Variants in USP34 observed in about 807,000 individuals in gnomAD.
USP34 encodes the protein ubiquitin specific peptidase 34.
In USP34, 70 loss-of-function variants were observed where a neutral mutation model predicts 460.3. That is an observed-to-expected ratio of 0.15 (90% CI 0.13 to 0.19). The LOEUF is 0.19. USP34 is among the 10% of genes least tolerant of loss of function. The pLI is 1.00. For missense variants in USP34, 3,985 were observed against 4,236.2 expected, an observed-to-expected ratio of 0.94 and a Z score of 1.65; for synonymous variants, 1,647 against 1,405.3, an observed-to-expected ratio of 1.17 and a Z score of -3.85.
intron 10 of USP34, among the ~76,000 whole-genome samples, chr2:61,365,218 C>T (rs1278845213): frequency 1.3e-5 from 2 of 151,332 alleles, no homozygotes; most frequent in Non-Finnish European, 2.9e-5. Flanking sequence ...CCCCATTGCA[C>T]TCCAGCCTGG....
intron 18 of USP34, among the ~76,000 whole-genome samples, chr2:61,337,751 C>T (rs925822097): frequency 1.3e-5 from 2 of 152,142 alleles, no homozygotes; most frequent in Admixed American, 6.5e-5. Flanking sequence ...CTACTGCGCC[C>T]GGCCTAGTTA....
chr2:61,227,645 G>A (rs2103822899), intron 61 of USP34, among the ~76,000 whole-genome samples: 1 of 151,834 alleles, frequency 6.6e-6, no homozygotes, highest in South Asian at 2.1e-4. Context: ...TGGGAGGTGG[G>A]GGTTACAGTG....
At chr2:61,223,193 G>A (rs751960772) in intron 63 of USP34, 29 bp from the exon 64 acceptor site, 5 of 1,612,914 alleles carry the variant, frequency 3.1e-6, no homozygotes, top group Non-Finnish European at 4.2e-6. Context: ...GTTCATTTAA[G>A]AACCGTTATT....
intron 58 of USP34, 87 bp downstream of exon 58, chr2:61,232,365 A>T: frequency 9.0e-7 from 1 of 1,106,258 alleles, no homozygotes; most frequent in Non-Finnish European, 1.3e-6. Flanking sequence ...ATATTAGGTT[A>T]AGACACACTT....
At position 61,222,656 on chromosome 2, in the gene USP34, G is replaced by C; in HGVS notation, c.7757C>G (p.Ser2586Cys). Residue 2586 changes from serine to cysteine, a missense_variant, in exon 65 of 80, where the codon TCT (serine) becomes TGT (cysteine). Physicochemically the swap from Ser to Cys is moderately radical, Grantham distance 112. This residue lies in a region of USP34 where 604 missense variants were observed against 684.8 expected (regional missense o/e 0.88). Transcript: ENST00000398571. ...YNNRLAEHIV[S>C]MLFTSIAKLT... ...CTTTGCTATTGATGTGAAAAGCATA[G>C]ATACAATCTAAAACAGAAAGAGGAG... is the stretch of plus-strand genomic sequence containing the variant. 1 of 1,611,776 alleles carries C rather than the reference G, an allele frequency of 6.2e-7. No individual in the cohort carries two copies.
chr2:61,337,756 T>C (rs1691467956), intron 18 of USP34, among the ~76,000 whole-genome samples: 1 of 152,148 alleles, frequency 6.6e-6, no homozygotes, highest in Admixed American at 6.5e-5. Context: ...GCGCCCGGCC[T>C]AGTTATTTTC....
At chr2:61,359,243 T>C (rs916888650) in intron 10 of USP34, among the ~76,000 whole-genome samples, 1 of 152,150 alleles carries the variant, frequency 6.6e-6, no homozygotes, top group African/African-American at 2.4e-5. Flanking sequence ...AGGACACACA[T>C]GTAGGCCAGT....
chr2:61,318,515 T>C (rs779582358), intron 22 of USP34, among the ~76,000 whole-genome samples: 38 of 152,182 alleles, frequency 2.5e-4, no homozygotes, highest in Non-Finnish European at 4.3e-4. Context: ...AGTTCCAACA[T>C]GGAGATAACG....
intron 61 of USP34, 144 bp downstream of exon 61, chr2:61,228,501 T>C: frequency 5.3e-6 from 3 of 562,592 alleles, no homozygotes; most frequent in South Asian, 8.5e-5. Flanking sequence ...ATTAAAAACA[T>C]CAACCAATCT....
chr2:61,256,273 T>C (rs1688722606), intron 48 of USP34, 111 bp downstream of exon 48: 10 of 957,386 alleles, frequency 1.0e-5, no homozygotes, highest in Non-Finnish European at 1.4e-5. Context: ...TCCATGCAGC[T>C]GATTTTACCT....
At chr2:61,202,710 G>A (rs1687011050) in intron 75 of USP34, among the ~76,000 whole-genome samples, 1 of 152,022 alleles carries the variant, frequency 6.6e-6, no homozygotes, top group African/African-American at 2.4e-5. Flanking sequence ...CTTCACACTG[G>A]CAAGCCCACT....
chr2:61,222,083 T>A (rs573664135), intron 65 of USP34, among the ~76,000 whole-genome samples: 1 of 152,270 alleles, frequency 6.6e-6, no homozygotes, highest in South Asian at 2.1e-4. Context: ...AAGATTTGTA[T>A]CCTTTAAGCA....
intron 75 of USP34, among the ~76,000 whole-genome samples, chr2:61,197,114 A>T (rs970811547): frequency 1.3e-5 from 2 of 151,950 alleles, no homozygotes; most frequent in Non-Finnish European, 2.9e-5. Flanking sequence ...CACTCTATTT[A>T]AAAAAAATAA....
At chr2:61,404,244 A>G (rs780780994) in intron 3 of USP34, among the ~76,000 whole-genome samples, 4 of 152,142 alleles carry the variant, frequency 2.6e-5, no homozygotes, top group African/African-American at 4.8e-5. Flanking sequence ...TACAGAACAA[A>G]TAAGCTAGAG....
intron 41 of USP34, among the ~76,000 whole-genome samples, chr2:61,275,611 C>G (rs1414053447): frequency 4.3e-5 from 6 of 138,244 alleles, no homozygotes; most frequent in African/African-American, 1.6e-4. Context: ...TAAGGAGACC[C>G]TGTCCCTTTT....
chr2:61,284,845 C>T lies in USP34; in HGVS notation c.4832+30G>A, dbSNP rs768735961. ...AAACATTATATTCCTGCTATACATACACACATAAAATATATCTTAAAATGC... is the reference window on the plus strand; with the variant it reads ...AAACATTATATTCCTGCTATACATATACACATAAAATATATCTTAAAATGC... On this transcript the variant is annotated intron_variant, in intron 35 of 79. Transcript: ENST00000398571. The T allele has an allele frequency of 8.4e-6, 13 of 1,539,182 alleles. No individual in the cohort carries two copies. In the South Asian group the frequency reaches 1.5e-4, roughly 18 times the overall value.
At chr2:61,377,425 G>A (rs1692830368) in intron 8 of USP34, among the ~76,000 whole-genome samples, 1 of 151,794 alleles carries the variant, frequency 6.6e-6, no homozygotes. Flanking sequence ...ATATTTCTCA[G>A]AACCAAAGAA....
At chr2:61,463,989 A>T (rs568672902) in intron 1 of USP34, among the ~76,000 whole-genome samples, 2 of 152,330 alleles carry the variant, frequency 1.3e-5, no homozygotes, top group South Asian at 4.1e-4. Flanking sequence ...GAACTGATTA[A>T]ATCAGCAGCA....
At chr2:61,317,289 G>T (rs1398803237) in intron 23 of USP34, among the ~76,000 whole-genome samples, 2 of 152,212 alleles carry the variant, frequency 1.3e-5, no homozygotes, top group African/African-American at 4.8e-5. Context: ...CACTTTGGGA[G>T]GCCAAGGCAG....
Sources: gnomAD v4.1 joint callset for allele counts (sites outside exome capture counted in the v4.1 genomes callset) on GRCh38, gnomAD v4.1.1 for gene constraint, gnomAD v4.1.1 regional missense constraint, MANE v1.5 for transcripts, NCBI Gene and HGNC (gene_info 2026-07-23, HGNC 2026-07-21) for gene names.